Variants in CADM2 observed in about 807,000 individuals in gnomAD.
CADM2 encodes immunoglobulin superfamily member 4D.
Under a neutral mutation model 49.8 loss-of-function variants are expected in CADM2, and 12 were observed. The observed-to-expected ratio is 0.24, with a 90% CI of 0.15 to 0.39. The LOEUF (loss-of-function observed/expected upper bound fraction) is 0.39. Ranked by LOEUF, CADM2 falls within the 10% of genes least tolerant of loss-of-function variation. The pLI is 1.00. For synonymous variants in CADM2, 214 were observed against 175.4 expected, an observed-to-expected ratio of 1.22 and a Z score of -1.74; for missense variants, 378 against 492.3, an observed-to-expected ratio of 0.77 and a Z score of 2.20.
intron 3 of CADM2, among the ~76,000 whole-genome samples, chr3:85,844,063 A>G (rs941932176): frequency 6.6e-6 from 1 of 152,074 alleles, no homozygotes; most frequent in Non-Finnish European, 1.5e-5. Context: ...TAGGGGACTG[A>G]AGCTTTCTAA....
intron 8 of CADM2, among the ~76,000 whole-genome samples, chr3:86,034,146 A>G (rs1734887519): frequency 6.6e-6 from 1 of 151,930 alleles, no homozygotes; most frequent in Admixed American, 6.6e-5. Flanking sequence ...CTTCTGATTC[A>G]AAGGAAGTCT....
At chr3:86,016,624 G>C (rs1197067933) in intron 8 of CADM2, among the ~76,000 whole-genome samples, 4 of 152,130 alleles carry the variant, frequency 2.6e-5, no homozygotes, top group Admixed American at 1.3e-4. Context: ...AAGTTTCAAA[G>C]GTGCGGGGAG....
intron 1 of CADM2, among the ~76,000 whole-genome samples, chr3:85,340,112 G>T (rs971479797): frequency 6.6e-5 from 10 of 151,326 alleles, no homozygotes; most frequent in African/African-American, 1.7e-4. Flanking sequence ...AATCAGTAGA[G>T]ATATTAATTT....
intron 1 of CADM2, among the ~76,000 whole-genome samples, chr3:85,279,731 G>A (rs2043453631): frequency 6.6e-6 from 1 of 151,444 alleles, no homozygotes; most frequent in Admixed American, 6.6e-5. Context: ...GTAAAAGTCT[G>A]CAATATTTGG....
Position 86,013,287 on chromosome 3 carries a change from G to A in CADM2, c.970+51640G>A, listed in dbSNP as rs190324857. 19 of 1,529,128 alleles carry A rather than the reference G, an allele frequency of 1.2e-5. No homozygotes were observed. The East Asian group carries it at 3.8e-4, about 31-fold the overall frequency. 94.7% of individuals were successfully genotyped at this position (1,529,128 alleles called of 1,614,324 possible). The stretch of plus-strand genomic sequence containing the variant: ...TGAAGAAGAGGGTGAAGGGCAAGAT[G>A]AGGACATTTTACCTCTATCCCTTGA... On this transcript the variant is annotated intron_variant, in intron 8 of 9. Transcript: ENST00000383699.
intron 1 of CADM2, among the ~76,000 whole-genome samples, chr3:85,368,165 A>G (rs2032938402): frequency 6.6e-6 from 1 of 152,102 alleles, no homozygotes; most frequent in Non-Finnish European, 1.5e-5. Flanking sequence ...GAGCCCTTGA[A>G]TACTTATAAC....
intron 1 of CADM2, among the ~76,000 whole-genome samples, chr3:85,528,107 A>G (rs1015904808): frequency 6.6e-6 from 1 of 152,022 alleles, no homozygotes; most frequent in African/African-American, 2.4e-5. Flanking sequence ...AAGTTTATAC[A>G]TTTTCCCACT....
chr3:85,426,272 G>T (rs914993962), intron 1 of CADM2, among the ~76,000 whole-genome samples: 1 of 151,700 alleles, frequency 6.6e-6, no homozygotes. Context: ...CTCCCATGTA[G>T]CCGAGAACAC....
intron 1 of CADM2, among the ~76,000 whole-genome samples, chr3:85,215,357 TTAAA>T (rs2041894521): frequency 1.7e-5 from 2 of 114,388 alleles, no homozygotes; most frequent in Non-Finnish European, 3.5e-5. Context: ...TCTCTCTTTT[TTAAA>T]AAAAAAAAAA....
chr3:85,215,729 C>T lies in CADM2; in HGVS notation c.61+256061C>T, dbSNP rs139599175. On this transcript the variant is annotated intron_variant, in intron 1 of 9. Coordinates refer to ENST00000383699, the MANE Select transcript of CADM2 (RefSeq NM_001167675.2). The stretch of plus-strand genomic sequence containing the variant: ...TGCAGCCCATGTTTGGGGGTCTTTC[C>T]GGGACTCAAGTTCCTACTGCTAGGG... Among the ~76,000 whole-genome samples, 452 of 152,154 alleles carry T rather than the reference C, an allele frequency of 3.0e-3. 2 individuals are homozygous for T. The highest frequency in any genetic ancestry group is 6.8e-3 in the Middle Eastern group (2 of 294).
intron 1 of CADM2, among the ~76,000 whole-genome samples, chr3:85,066,852 G>A (rs556309256): frequency 6.6e-6 from 1 of 152,216 alleles, no homozygotes; most frequent in South Asian, 2.1e-4. Flanking sequence ...TTACCTTAAG[G>A]TATATTTTCC....
intron 1 of CADM2, among the ~76,000 whole-genome samples, chr3:85,138,657 C>G (rs554299815): frequency 6.6e-6 from 1 of 151,976 alleles, no homozygotes; most frequent in African/African-American, 2.4e-5. Flanking sequence ...TTGGCAAATG[C>G]TATGTTTGAA....
chr3:84,988,011 A>T (rs1337663693), intron 1 of CADM2, among the ~76,000 whole-genome samples: 1 of 152,100 alleles, frequency 6.6e-6, no homozygotes, highest in Non-Finnish European at 1.5e-5. Flanking sequence ...CCCGATTTGG[A>T]GCTGTGGCCA....
chr3:85,640,335 G>A (rs1441199893), intron 1 of CADM2, among the ~76,000 whole-genome samples: 5 of 152,176 alleles, frequency 3.3e-5, no homozygotes, highest in Admixed American at 6.6e-5. Context: ...CCATGTTTAA[G>A]AAGTGATTCC....
chr3:85,335,722 T>G (rs915734428), intron 1 of CADM2, among the ~76,000 whole-genome samples: 1 of 151,538 alleles, frequency 6.6e-6, no homozygotes, highest in Non-Finnish European at 1.5e-5. Flanking sequence ...GTGAGATGAT[T>G]GTCTATTCAT....
At position 85,348,723 on chromosome 3, in the gene CADM2, C is replaced by A. The variant is rs978960851; in HGVS notation, c.62-377799C>A. The stretch of plus-strand genomic sequence containing the variant: ...ACAAACTCACTTATAATTAGGCAAT[C>A]TATTAAAATGTGAGAGTTTTACCTA... On this transcript the variant is annotated intron_variant, in intron 1 of 9. Transcript: ENST00000383699. 3.3e-5 allele frequency among the ~76,000 whole-genome samples: 5 copies of A among 152,152 alleles called. 1 individual carries two copies. The highest frequency in any genetic ancestry group is 3.3e-4 in the Admixed American group (5 of 15,274).
intron 1 of CADM2, among the ~76,000 whole-genome samples, chr3:85,473,463 T>G (rs989786516): frequency 6.6e-6 from 1 of 152,020 alleles, no homozygotes; most frequent in Non-Finnish European, 1.5e-5. Context: ...ATCTGCATAG[T>G]GATTAGGAAA....
intron 1 of CADM2, among the ~76,000 whole-genome samples, chr3:85,679,140 A>G (rs528730096): frequency 9.2e-5 from 14 of 152,330 alleles, no homozygotes; most frequent in African/African-American, 3.4e-4. Context: ...GATAAATAAA[A>G]GGAAGACAAA....
chr3:85,235,908 C>A (rs574204721), intron 1 of CADM2, among the ~76,000 whole-genome samples: 1 of 152,122 alleles, frequency 6.6e-6, no homozygotes, highest in Non-Finnish European at 1.5e-5. Context: ...TCTTATTTTA[C>A]GCTGTATATT....
Sources: allele counts gnomAD v4.1 joint callset (sites outside exome capture counted in the v4.1 genomes callset), GRCh38; gene constraint gnomAD v4.1.1; transcripts MANE v1.5; gene names NCBI Gene and HGNC (gene_info 2026-07-23, HGNC 2026-07-21).